DDAH1: variants seen among roughly 807,000 people sequenced by gnomAD.
DDAH1 encodes the protein N(G),N(G)-dimethylarginine dimethylaminohydrolase 1.
Under a neutral mutation model 28.8 loss-of-function variants are expected in DDAH1, and 19 were observed. That is an observed-to-expected ratio of 0.66 (90% confidence interval 0.46 to 0.97). The LOEUF is 0.97. DDAH1 is among the 50% of genes least tolerant of loss of function. The pLI is 0.00. For missense variants in DDAH1, 326 were observed against 375.9 expected (o/e 0.87, Z 1.10); for synonymous variants, 153 against 154.4 (o/e 0.99, Z 0.07).
At chr1:85,426,191 T>C (rs12126355) in intron 1 of DDAH1, among the ~76,000 whole-genome samples, 6,052 of 152,320 alleles carry the variant, frequency 0.04, 223 homozygotes, top group South Asian at 0.18. Context: ...TGTTTTCCCA[T>C]TCCTTGTTTC....
chr1:85,357,336 G>T (rs929018440), intron 2 of DDAH1, among the ~76,000 whole-genome samples: 25 of 152,218 alleles, frequency 1.6e-4, no homozygotes, highest in African/African-American at 5.5e-4. Context: ...ACAACTCCAG[G>T]GCATACTATT....
intron 1 of DDAH1, among the ~76,000 whole-genome samples, chr1:85,442,867 G>T (rs1306188161): frequency 6.6e-6 from 1 of 152,290 alleles, no homozygotes; most frequent in Non-Finnish European, 1.5e-5. Flanking sequence ...CCCACTTTTT[G>T]ATGGGGTTGA....
chr1:85,470,343 C>T (rs1655575849), intron 2 of DDAH1, among the ~76,000 whole-genome samples: 1 of 152,130 alleles, frequency 6.6e-6, no homozygotes, highest in African/African-American at 2.4e-5. Flanking sequence ...CTTATAAAAC[C>T]CTCAGACCTT....
intron 1 of DDAH1, among the ~76,000 whole-genome samples, chr1:85,462,211 T>C (rs1655152624): frequency 1.3e-5 from 2 of 151,878 alleles, no homozygotes; most frequent in Admixed American, 6.6e-5. Flanking sequence ...ATAAAAGCAA[T>C]AGTCTGGTGA....
rs369073606 is a variant in DDAH1 at position 85,421,021 on chromosome 1, GA to G, written c.303+43721del. Among the ~76,000 whole-genome samples, 25 of 152,288 alleles carry G rather than the reference GA, an allele frequency of 1.6e-4. No individual in the cohort carries two copies. In the East Asian group the frequency reaches 1.9e-3, roughly 12 times the overall value. On this transcript the variant is annotated intron_variant, in intron 1 of 5. Transcript: ENST00000284031. ...GCGGGAACTGGTGCTTCACAAGAGAGAAGGAGCAAAAGAGAGGGAGGGGGAG... is the reference window on the plus strand; with the variant it reads ...GCGGGAACTGGTGCTTCACAAGAGAGAGGAGCAAAAGAGAGGGAGGGGGAG...
chr1:85,577,376 C>T (rs1156309565), intron 1 of DDAH1, among the ~76,000 whole-genome samples: 1 of 152,158 alleles, frequency 6.6e-6, no homozygotes, highest in Non-Finnish European at 1.5e-5. Flanking sequence ...GGGGGCGCCA[C>T]CTTAAAGCCG....
At position 85,464,786 on chromosome 1, in the gene DDAH1, G is replaced by C; in HGVS notation, c.260C>G (p.Thr87Arg). 1.3e-6 allele frequency: 2 copies of C among 1,578,882 alleles called. No individual in the cohort carries two copies. The highest frequency in any genetic ancestry group is 8.6e-7 in the Non-Finnish European group (1 of 1,169,424). The stretch of plus-strand genomic sequence containing the variant: ...CGCCCCGGGTCGGGTGATGAGGGCC[G>C]TCTCCTCGCACACCACGGCCACGTC... ...VEDVAVVCEE[T>R]ALITRPGAPS... Residue 87 changes from threonine (T) to arginine (R), a missense_variant, in exon 1 of 6, where the codon ACG becomes AGG. Thr to Arg is a moderately conservative substitution (Grantham distance 71). Coordinates refer to ENST00000284031, the MANE Select transcript of DDAH1 (RefSeq NM_012137.4). This position sits in a 1 kb window ranked among gnomAD's most constrained non-coding sequence, Gnocchi z 4.4.
At chr1:85,545,070 A>G (rs968154409) in intron 1 of DDAH1, among the ~76,000 whole-genome samples, 4 of 151,878 alleles carry the variant, frequency 2.6e-5, no homozygotes, top group Non-Finnish European at 4.4e-5. Flanking sequence ...AAAGTCAACA[A>G]CCCCCTTGCC....
chr1:85,577,151 C>A (rs1429547268), intron 1 of DDAH1, among the ~76,000 whole-genome samples: 1 of 152,118 alleles, frequency 6.6e-6, no homozygotes, highest in East Asian at 1.9e-4. Flanking sequence ...AGCAGCCGGG[C>A]AGGCGCGTCC....
chr1:85,503,608 A>AT (rs1656906155), intron 1 of DDAH1, among the ~76,000 whole-genome samples: 1 of 152,064 alleles, frequency 6.6e-6, no homozygotes, highest in African/African-American at 2.4e-5. Context: ...TACTAAGCCC[A>AT]TGAAGGTACC....
intron 1 of DDAH1, among the ~76,000 whole-genome samples, chr1:85,453,736 T>C (rs2100674666): frequency 6.6e-6 from 1 of 152,324 alleles, no homozygotes; most frequent in African/African-American, 2.4e-5. Context: ...TGAAATGGAT[T>C]ACTTGGCAGA....
intron 1 of DDAH1, among the ~76,000 whole-genome samples, chr1:85,389,823 G>T (rs1304736163): frequency 6.6e-6 from 1 of 152,186 alleles, no homozygotes; most frequent in Non-Finnish European, 1.5e-5. Flanking sequence ...GAAGCAAAAA[G>T]TGTTAGAGAG....
chr1:85,536,222 G>C (rs1658271214), intron 1 of DDAH1, among the ~76,000 whole-genome samples: 1 of 151,822 alleles, frequency 6.6e-6, no homozygotes. Flanking sequence ...GGGTGACAAA[G>C]TGAATCTCTG....
At chr1:85,394,464 T>C (rs1350853075) in intron 1 of DDAH1, among the ~76,000 whole-genome samples, 3 of 152,220 alleles carry the variant, frequency 2.0e-5, no homozygotes, top group African/African-American at 4.8e-5. Context: ...TTACCAAGTC[T>C]TTGGTATTTT....
At chr1:85,455,020 G>A (rs1202159228) in intron 1 of DDAH1, among the ~76,000 whole-genome samples, 1 of 152,036 alleles carries the variant, frequency 6.6e-6, no homozygotes, top group Non-Finnish European at 1.5e-5. Context: ...GGAAAACCAG[G>A]GTCCCTGACA....
intron 1 of DDAH1, among the ~76,000 whole-genome samples, chr1:85,505,407 G>A (rs1340077765): frequency 6.6e-6 from 1 of 152,162 alleles, no homozygotes; most frequent in East Asian, 1.9e-4. Flanking sequence ...ACACTTCTAG[G>A]AAGAAGTAAG....
chr1:85,516,236 A>C (rs1301818687), intron 1 of DDAH1, among the ~76,000 whole-genome samples: 1 of 151,958 alleles, frequency 6.6e-6, no homozygotes, highest in Non-Finnish European at 1.5e-5. Context: ...GGATAGAAAA[A>C]AGCTATGTGA....
chr1:85,469,674 C>G (rs1160007698), upstream of DDAH1, among the ~76,000 whole-genome samples: 1 of 152,118 alleles, frequency 6.6e-6, no homozygotes, highest in East Asian at 1.9e-4. Flanking sequence ...GGTATGCTTT[C>G]CAGGAGAATT....
rs916431053 is a variant in DDAH1 at position 85,351,202 on chromosome 1, A to AT, written c.477+303dup. ...TGAGCCATCACGCCCGGCCTTCCAG[A>AT]TTTTTTTTTAAGTTGTTGATTGTTC... On this transcript the variant is annotated intron_variant, in intron 3 of 5. Transcript: ENST00000284031. Among the ~76,000 whole-genome samples, 6 of 150,920 alleles carry AT rather than the reference A, an allele frequency of 4.0e-5. No homozygotes were observed. In the East Asian group the frequency reaches 7.8e-4, roughly 20 times the overall value.
Sources: gnomAD v4.1 joint callset for allele counts (sites outside exome capture counted in the v4.1 genomes callset) on GRCh38, gnomAD v4.1.1 for gene constraint, Gnocchi (gnomAD v3.1) non-coding constraint, MANE v1.5 for transcripts, NCBI Gene and HGNC (gene_info 2026-07-23, HGNC 2026-07-21) for gene names.